TTLL11: variants seen among roughly 807,000 people sequenced by gnomAD.
TTLL11 encodes the protein tubulin tyrosine ligase like 11.
Under a neutral mutation model 51.7 loss-of-function variants are expected in TTLL11, and 42 were observed. The observed-to-expected ratio is 0.81, with a 90% CI of 0.64 to 1.05. TTLL11 has a LOEUF of 1.05. Among genes scored for constraint, TTLL11 ranks in the 50% least tolerant of loss-of-function variants. The pLI, the probability that TTLL11 is intolerant of heterozygous loss-of-function variation, is 0.00. For missense variants in TTLL11, 799 were observed against 940.4 expected, an observed-to-expected ratio of 0.85 and a Z score of 1.97; for synonymous variants, 381 against 383.5, an observed-to-expected ratio of 0.99 and a Z score of 0.08.
At chr9:121,977,043 T>G (rs1842727749) in intron 4 of TTLL11, among the ~76,000 whole-genome samples, 2 of 152,210 alleles carry the variant, frequency 1.3e-5, no homozygotes, top group South Asian at 4.1e-4. Flanking sequence ...ATTTTGTACT[T>G]TCTCAGCCTG....
chr9:121,998,373 G>C (rs1260739133), intron 3 of TTLL11, among the ~76,000 whole-genome samples: 1 of 151,862 alleles, frequency 6.6e-6, no homozygotes, highest in East Asian at 1.9e-4. Context: ...TGCAACCTCC[G>C]CCTCCTGGGT....
Position 121,907,497 on chromosome 9 carries a change from G to A in TTLL11, c.1482-36749C>T, listed in dbSNP as rs533134054. Among the ~76,000 whole-genome samples the A allele has an allele frequency of 6.5e-4, 99 of 151,906 alleles. 1 individual carries two copies. The highest frequency in any genetic ancestry group is 3.4e-3 in the Middle Eastern group (1 of 294). ...TTTCAATGATCCTATTAAAAAGCTT[G>A]TCCGTGGATGAAGGAAAATAAGCAA... On this transcript the variant is annotated intron_variant, in intron 6 of 8. Coordinates refer to ENST00000321582, the MANE Select transcript of TTLL11 (RefSeq NM_001139442.2).
chr9:121,936,355 C>T (rs1485287946), intron 6 of TTLL11, among the ~76,000 whole-genome samples: 2 of 151,898 alleles, frequency 1.3e-5, no homozygotes, highest in East Asian at 3.9e-4. Flanking sequence ...CCTCGATGTC[C>T]CAGGTTCAAG....
intron 6 of TTLL11, among the ~76,000 whole-genome samples, chr9:121,884,108 T>C (rs947119912): frequency 2.0e-5 from 3 of 152,166 alleles, no homozygotes; most frequent in Non-Finnish European, 4.4e-5. Flanking sequence ...TCCCAGAGAT[T>C]TGCAGATGCA....
chr9:121,960,128 T>C (rs1842170000), intron 6 of TTLL11, among the ~76,000 whole-genome samples: 1 of 152,098 alleles, frequency 6.6e-6, no homozygotes, highest in Non-Finnish European at 1.5e-5. Flanking sequence ...CTCACTTTTC[T>C]TCATATTTGA....
chr9:121,931,598 A>G (rs1366645782), intron 6 of TTLL11, among the ~76,000 whole-genome samples: 5 of 151,206 alleles, frequency 3.3e-5, no homozygotes, highest in Non-Finnish European at 5.9e-5. Context: ...AAAAAAAAAA[A>G]AAAAAAAGAA....
intron 6 of TTLL11, among the ~76,000 whole-genome samples, chr9:121,932,826 A>G (rs1437091593): frequency 6.6e-6 from 1 of 152,236 alleles, no homozygotes; most frequent in Non-Finnish European, 1.5e-5. Context: ...CAAGTATGGC[A>G]GATGCGAAAA....
intron 1 of TTLL11, among the ~76,000 whole-genome samples, chr9:122,052,758 G>A (rs1220323557): frequency 1.3e-5 from 2 of 152,170 alleles, no homozygotes; most frequent in Non-Finnish European, 1.5e-5. Context: ...TCATGGGTAG[G>A]CACGTAACCT....
At chr9:122,077,569 T>C (rs1845893988) in intron 1 of TTLL11, among the ~76,000 whole-genome samples, 1 of 151,908 alleles carries the variant, frequency 6.6e-6, no homozygotes, top group East Asian at 1.9e-4. Context: ...ACAGAAGAAA[T>C]TTTTAACATA....
intron 6 of TTLL11, among the ~76,000 whole-genome samples, chr9:121,963,146 C>CAAG (rs1554774823): frequency 6.6e-6 from 1 of 151,814 alleles, no homozygotes; most frequent in Non-Finnish European, 1.5e-5. Flanking sequence ...ATAGCCCCTA[C>CAAG]TGCAGATCCT....
At chr9:121,898,119 T>C (rs866921899) in intron 6 of TTLL11, among the ~76,000 whole-genome samples, 3 of 152,122 alleles carry the variant, frequency 2.0e-5, no homozygotes, top group African/African-American at 7.2e-5. Flanking sequence ...GGTTTCACCA[T>C]GTTGGCCAGG....
intron 1 of TTLL11, among the ~76,000 whole-genome samples, chr9:122,069,218 T>C (rs1228377704): frequency 7.9e-5 from 12 of 152,306 alleles, no homozygotes; most frequent in African/African-American, 2.9e-4. Context: ...TCTAAGGGGC[T>C]GGGAATACAG....
At chr9:121,951,719 GA>G (rs1386420841) in intron 6 of TTLL11, among the ~76,000 whole-genome samples, 1 of 152,186 alleles carries the variant, frequency 6.6e-6, no homozygotes, top group Non-Finnish European at 1.5e-5. Flanking sequence ...CCTCCCGCAG[GA>G]AAGAATTCAG....
rs982252445 is a variant in TTLL11, at chr9:121,822,332, C to T, written c.*255G>A. 4 of 316,238 alleles carry T rather than the reference C, an allele frequency of 1.3e-5. No individual in the cohort carries two copies. Among genetic ancestry groups the T allele is most frequent in the Non-Finnish European group, 1.7e-5 (3 of 173,906 alleles). 19.6% of individuals were successfully genotyped at this position (316,238 alleles called of 1,614,324 possible). On this transcript the variant is annotated 3_prime_UTR_variant, in exon 9 of 9. Coordinates refer to ENST00000321582, the MANE Select transcript of TTLL11 (RefSeq NM_001139442.2). This position sits in a 1 kb window ranked among gnomAD's most constrained non-coding sequence, Gnocchi z 5.8. ...CCAGAATAGAAGGTGCCATCTGTCA[C>T]GTTTTAGATGTCATATGTCCGATGA...
chr9:122,076,710 T>A (rs1232892756), intron 1 of TTLL11, among the ~76,000 whole-genome samples: 9 of 132,924 alleles, frequency 6.8e-5, no homozygotes, highest in Admixed American at 7.7e-5. Context: ...GAACATAAGA[T>A]CACCATCAAA....
At position 121,913,389 on chromosome 9, in the gene TTLL11, C is replaced by T. The variant is rs1196236111; in HGVS notation, c.1482-42641G>A. 2.0e-5 allele frequency among the ~76,000 whole-genome samples: 3 copies of T among 152,326 alleles called. No homozygotes were observed. In the East Asian group the frequency reaches 5.8e-4, roughly 29 times the overall value. ...CAAAGTTAAATTACATAGTACATCA[C>T]TGTCCCCAGCACAGTCTTCTCTGCC... On this transcript the variant is annotated intron_variant, in intron 6 of 8. Transcript: ENST00000321582.
chr9:122,011,016 T>G (rs527458917), intron 3 of TTLL11, among the ~76,000 whole-genome samples: 1 of 152,324 alleles, frequency 6.6e-6, no homozygotes, highest in South Asian at 2.1e-4. Flanking sequence ...GCTCCCATAA[T>G]TCTCACATGT....
chr9:121,911,336 G>T (rs1366528832), intron 6 of TTLL11, among the ~76,000 whole-genome samples: 5 of 152,172 alleles, frequency 3.3e-5, no homozygotes, highest in Non-Finnish European at 2.9e-5. Flanking sequence ...CGTGGAGGTT[G>T]CAGTAAGCCA....
intron 6 of TTLL11, among the ~76,000 whole-genome samples, chr9:121,971,072 G>T (rs1842538907): frequency 7.1e-6 from 1 of 141,114 alleles, no homozygotes; most frequent in Non-Finnish European, 1.6e-5. Context: ...GGAGGTGGGG[G>T]GGTCAGCCCC....
Sources: allele counts gnomAD v4.1 joint callset (sites outside exome capture counted in the v4.1 genomes callset), GRCh38; gene constraint gnomAD v4.1.1; non-coding constraint Gnocchi (gnomAD v3.1); transcripts MANE v1.5; gene names NCBI Gene and HGNC (gene_info 2026-07-23, HGNC 2026-07-21).